UBR3: variants seen among roughly 807,000 people sequenced by gnomAD.
The protein encoded by UBR3 is ubiquitin protein ligase E3 component n-recognin 3.
A neutral mutation model predicts 243.2 loss-of-function variants in UBR3; 85 were observed. The ratio of observed to expected loss-of-function variants is 0.35; its 90% CI spans 0.29 to 0.42. The LOEUF (loss-of-function observed/expected upper bound fraction) is 0.42, where lower values mean the gene tolerates loss of function less well. UBR3 is among the 10% of genes least tolerant of loss of function. The pLI is 1.00. For missense variants in UBR3, 1,686 were observed against 2,300.8 expected, an observed-to-expected ratio of 0.73 and a Z score of 5.47; for synonymous variants, 748 against 799.8, an observed-to-expected ratio of 0.94 and a Z score of 1.09.
chr2:170,032,049 A>T (rs940855818), intron 31 of UBR3, among the ~76,000 whole-genome samples: 3 of 152,090 alleles, frequency 2.0e-5, no homozygotes, highest in African/African-American at 7.2e-5. Context: ...CAGTAATGGG[A>T]TGCTGGGTCA....
intron 35 of UBR3, among the ~76,000 whole-genome samples, chr2:170,065,502 G>C (rs145214563): frequency 2.0e-5 from 3 of 151,950 alleles, no homozygotes; most frequent in Admixed American, 2.0e-4. Context: ...TTGGTCAGGC[G>C]GGCTGGTCTC....
intron 30 of UBR3, among the ~76,000 whole-genome samples, chr2:170,027,394 C>G (rs1483789663): frequency 1.3e-5 from 2 of 151,364 alleles, no homozygotes; most frequent in Non-Finnish European, 3.0e-5. Flanking sequence ...ATTTTCTTAT[C>G]TATAGAATGA....
intron 18 of UBR3, among the ~76,000 whole-genome samples, chr2:169,930,834 G>T (rs746444685): frequency 6.6e-6 from 1 of 152,124 alleles, no homozygotes; most frequent in East Asian, 1.9e-4. Flanking sequence ...GCTTACTCCT[G>T]TTAAAGTGGG....
chr2:170,007,057 T>A lies in UBR3; in HGVS notation c.4097T>A (p.Phe1366Tyr). 1 of 1,613,982 alleles carries A rather than the reference T, an allele frequency of 6.2e-7. No homozygotes were observed. The highest frequency in any genetic ancestry group is 8.5e-7 in the Non-Finnish European group (1 of 1,179,998). The stretch of plus-strand genomic sequence containing the variant: ...TTCACGTGTCCACTCTGTAGGCAGT[T>A]TGCTAACAGTGTTCTTCCATGTTAT... ...GEFTCPLCRQ[F>Y]ANSVLPCYPG... The change falls in exon 28 of 39, where the codon TTT becomes TAT. Residue 1366 changes from phenylalanine (F) to tyrosine (Y), a missense_variant. Phe to Tyr is a conservative substitution (Grantham distance 22). Coordinates refer to ENST00000272793, the MANE Select transcript of UBR3 (RefSeq NM_172070.4).
rs192186110 is a variant in UBR3 at position 169,872,360 on chromosome 2, G to A, written c.670G>A (p.Gly224Ser). ...IFCLIQYLRE[G>S]YNEPAADGPS... ...TTGTCTTATTCAGTACTTAAGAGAA[G>A]GCTATAATGAACCAGGTATGTTTTA... Residue 224 changes from glycine (G) to serine (S), a missense_variant, in exon 2 of 39, where the codon GGC becomes AGC. By Grantham distance (56) the Gly-to-Ser change is moderately conservative (BLOSUM62 0). This residue lies in a region of UBR3 where 200 missense variants were observed against 231.6 expected (regional missense o/e 0.86). Transcript: ENST00000272793. 5.8e-5 allele frequency: 85 copies of A among 1,474,998 alleles called. No individual in the cohort carries two copies. The African/African-American group carries it at 9.0e-4, about 16-fold the overall frequency. The allele number at this position is 1,474,998 out of a possible 1,614,324, so 91.4% of individuals were successfully genotyped here. A position where few individuals can be genotyped will look rare whatever the true frequency, so the allele number is the denominator to read the frequency against.
chr2:170,078,092 T>G, intron 36 of UBR3: 1 of 651,646 alleles, frequency 1.5e-6, no homozygotes, highest in Non-Finnish European at 2.9e-6. Flanking sequence ...TCTCTTTTCA[T>G]GCATCTTGAT....
intron 1 of UBR3, among the ~76,000 whole-genome samples, chr2:169,855,781 C>T (rs1480643475): frequency 6.6e-6 from 1 of 152,222 alleles, no homozygotes; most frequent in East Asian, 1.9e-4. Flanking sequence ...TCCGATCTCT[C>T]TTTCTTTTCC....
At chr2:170,076,917 G>T (rs2091822214) in intron 36 of UBR3, among the ~76,000 whole-genome samples, 1 of 152,118 alleles carries the variant, frequency 6.6e-6, no homozygotes, top group Non-Finnish European at 1.5e-5. Context: ...CAATTGTATG[G>T]CAATATTTTT....
chr2:170,071,537 G>A (rs2091698037), intron 35 of UBR3, among the ~76,000 whole-genome samples: 1 of 152,082 alleles, frequency 6.6e-6, no homozygotes, highest in Non-Finnish European at 1.5e-5. Flanking sequence ...GTGATGGTGG[G>A]TGCATGACTA....
intron 24 of UBR3, among the ~76,000 whole-genome samples, chr2:169,985,224 CTTTTTTTT>C (rs71006060): frequency 5.3e-5 from 6 of 113,122 alleles, no homozygotes; most frequent in African/African-American, 6.6e-5. Context: ...CAACTCTTTT[CTTTTTTTT>C]TTTTTTTTTT....
At chr2:169,833,158 C>T (rs1249428398) in intron 1 of UBR3, among the ~76,000 whole-genome samples, 4 of 152,042 alleles carry the variant, frequency 2.6e-5, no homozygotes, top group Non-Finnish European at 5.9e-5. Flanking sequence ...ATTTTTGATC[C>T]ATGTTTAGTT....
intron 32 of UBR3, among the ~76,000 whole-genome samples, chr2:170,052,775 A>G (rs1048945710): frequency 6.6e-6 from 1 of 152,170 alleles, no homozygotes; most frequent in African/African-American, 2.4e-5. Flanking sequence ...CAACATGATG[A>G]CTATAGCTGT....
intron 33 of UBR3, among the ~76,000 whole-genome samples, chr2:170,060,305 C>T (rs1424249079): frequency 6.6e-6 from 1 of 151,962 alleles, no homozygotes; most frequent in Non-Finnish European, 1.5e-5. Context: ...AATTTGAATT[C>T]ATAAAAAGCC....
intron 24 of UBR3, among the ~76,000 whole-genome samples, chr2:169,982,401 A>T (rs990208269): frequency 2.6e-5 from 4 of 152,156 alleles, no homozygotes; most frequent in African/African-American, 9.6e-5. Context: ...AAAGGTTAAG[A>T]AAGGCAAAGG....
At chr2:169,882,128 T>G (rs1426551956) in intron 5 of UBR3, among the ~76,000 whole-genome samples, 1 of 128,746 alleles carries the variant, frequency 7.8e-6, no homozygotes, top group Non-Finnish European at 1.5e-5. Context: ...GTATATTATA[T>G]ACATATATTT....
At chr2:169,862,027 G>A (rs796620386) in intron 1 of UBR3, among the ~76,000 whole-genome samples, 14 of 152,018 alleles carry the variant, frequency 9.2e-5, no homozygotes, top group African/African-American at 3.4e-4. Flanking sequence ...CATGTATTTG[G>A]TTCTATTTCT....
chr2:169,886,920 G>A (rs1291983364), intron 5 of UBR3, among the ~76,000 whole-genome samples: 2 of 152,092 alleles, frequency 1.3e-5, no homozygotes, highest in African/African-American at 4.8e-5. Flanking sequence ...ATTTTTGTAA[G>A]GTGACATATT....
intron 32 of UBR3, among the ~76,000 whole-genome samples, chr2:170,052,142 C>T (rs1299121710): frequency 6.6e-6 from 1 of 152,144 alleles, no homozygotes; most frequent in African/African-American, 2.4e-5. Flanking sequence ...AATGCTGCTA[C>T]GTCTATGAGA....
At chr2:169,851,836 C>CA (rs139828838) in intron 1 of UBR3, among the ~76,000 whole-genome samples, 3,690 of 90,258 alleles carry the variant, frequency 0.041, 106 homozygotes, top group African/African-American at 0.091. Context: ...GGCTCCGTCT[C>CA]AAAAAAAAAA....
Sources: gnomAD v4.1 joint callset for allele counts (sites outside exome capture counted in the v4.1 genomes callset) on GRCh38, gnomAD v4.1.1 for gene constraint, gnomAD v4.1.1 regional missense constraint, MANE v1.5 for transcripts, NCBI Gene and HGNC (gene_info 2026-07-23, HGNC 2026-07-21) for gene names.